LIN9: variants seen among roughly 807,000 people sequenced by gnomAD.
LIN9 encodes lin-9 DREAM MuvB core complex component, also known as protein lin-9 homolog.
Under a neutral mutation model 78.0 loss-of-function variants are expected in LIN9, and 18 were observed. That is an observed-to-expected ratio of 0.23 (90% CI 0.16 to 0.34). The LOEUF (loss-of-function observed/expected upper bound fraction) is 0.34. Ranked by LOEUF, LIN9 falls within the 10% of genes least tolerant of loss-of-function variation. The pLI is 1.00. For synonymous variants in LIN9, 192 were observed against 215.2 expected (o/e 0.89, Z 0.94); for missense variants, 451 against 644.1 (o/e 0.70, Z 3.25).
intron 10 of LIN9, among the ~76,000 whole-genome samples, chr1:226,254,329 C>CA (rs1335259270): frequency 1.3e-5 from 2 of 151,870 alleles, no homozygotes; most frequent in South Asian, 2.1e-4. Flanking sequence ...TTTGGAACAG[C>CA]AAAAAAATCA....
rs984905945 is a variant in LIN9 at position 226,238,104 on chromosome 1, A to C, written c.1245+867T>G. On this transcript the variant is annotated intron_variant, in intron 12 of 14. Transcript: ENST00000681046. ...GTAGGAAACTCAAATTTTGGATGAA[A>C]CTGTTGAACCACTCTCATATGATCA... 3.3e-5 allele frequency among the ~76,000 whole-genome samples: 5 copies of C among 152,160 alleles called. No homozygotes were observed. The East Asian group carries it at 9.6e-4, about 29-fold the overall frequency.
intron 10 of LIN9, among the ~76,000 whole-genome samples, chr1:226,254,707 C>G (rs940980151): frequency 1.3e-5 from 2 of 151,726 alleles, no homozygotes. Flanking sequence ...GTCAGGAGAT[C>G]GAGACCATCC....
intron 5 of LIN9, among the ~76,000 whole-genome samples, chr1:226,286,712 C>T (rs1313743032): frequency 6.6e-6 from 1 of 152,160 alleles, no homozygotes; most frequent in Non-Finnish European, 1.5e-5. Context: ...ACAGGTATAT[C>T]CTTTGGGAGG....
chr1:226,247,226 A>G lies in LIN9; in HGVS notation c.1119+3613T>C, dbSNP rs1224869657. 4.6e-5 allele frequency among the ~76,000 whole-genome samples: 7 copies of G among 151,888 alleles called. No homozygotes were observed. The East Asian group carries it at 1.3e-3, about 29-fold the overall frequency. On this transcript the variant is annotated intron_variant, in intron 11 of 14. Transcript: ENST00000681046. ...TTCCAGTTCTCTTCTAAAATTCTCA[A>G]TTTTGTCTCATCTCTTTTAACAAAT...
intron 7 of LIN9, among the ~76,000 whole-genome samples, chr1:226,269,842 C>T (rs1449934678): frequency 6.6e-6 from 1 of 152,208 alleles, no homozygotes; most frequent in East Asian, 1.9e-4. Context: ...CATTCCCCAA[C>T]TCACATATAA....
intron 10 of LIN9, among the ~76,000 whole-genome samples, chr1:226,253,293 A>T (rs1229736478): frequency 1.3e-5 from 2 of 150,818 alleles, no homozygotes; most frequent in African/African-American, 4.9e-5. Flanking sequence ...AGAAAGAAAG[A>T]AAGAAAAAAA....
At chr1:226,279,821 A>C (rs576900042) in intron 6 of LIN9, among the ~76,000 whole-genome samples, 115 of 151,752 alleles carry the variant, frequency 7.6e-4, no homozygotes, top group African/African-American at 2.6e-3. Context: ...TTCTTTTCAC[A>C]GTAAATTACC....
At chr1:226,296,385 T>C (rs1220381279) in intron 3 of LIN9, among the ~76,000 whole-genome samples, 1 of 152,186 alleles carries the variant, frequency 6.6e-6, no homozygotes, top group African/African-American at 2.4e-5. Flanking sequence ...TAAATGTGTA[T>C]ACTATTATAC....
chr1:226,251,416 T>C (rs1658829474), intron 10 of LIN9, among the ~76,000 whole-genome samples: 1 of 152,096 alleles, frequency 6.6e-6, no homozygotes, highest in South Asian at 2.1e-4. Context: ...TTAGTAGAGA[T>C]GGGGTTTTGC....
At chr1:226,267,924 T>C (rs199949001) in intron 8 of LIN9, 33 bp downstream of exon 8, 47 of 1,595,934 alleles carry the variant, frequency 2.9e-5, no homozygotes, top group Non-Finnish European at 4.0e-5. Flanking sequence ...TTAACAGGCA[T>C]AAAACACAAA....
At chr1:226,251,415 A>G (rs1200506115) in intron 10 of LIN9, among the ~76,000 whole-genome samples, 1 of 152,102 alleles carries the variant, frequency 6.6e-6, no homozygotes, top group African/African-American at 2.4e-5. Flanking sequence ...TTTAGTAGAG[A>G]TGGGGTTTTG....
At chr1:226,277,269 A>G (rs1042246826) in intron 7 of LIN9, among the ~76,000 whole-genome samples, 1 of 151,938 alleles carries the variant, frequency 6.6e-6, no homozygotes, top group African/African-American at 2.4e-5. Flanking sequence ...ACTTACTCCA[A>G]TAGATTATTA....
chr1:226,272,286 C>T (rs1660332432), intron 7 of LIN9, among the ~76,000 whole-genome samples: 1 of 151,836 alleles, frequency 6.6e-6, no homozygotes. Context: ...GAACTCCTGA[C>T]CTCAAGTGAT....
At chr1:226,305,470 A>G (rs1182203955) in intron 1 of LIN9, among the ~76,000 whole-genome samples, 4 of 152,112 alleles carry the variant, frequency 2.6e-5, no homozygotes, top group Non-Finnish European at 5.9e-5. Flanking sequence ...TCCAGTCTAC[A>G]CAACAGAGGG....
chr1:226,270,113 G>A (rs1488693755), intron 7 of LIN9, among the ~76,000 whole-genome samples: 2 of 151,878 alleles, frequency 1.3e-5, no homozygotes, highest in Non-Finnish European at 2.9e-5. Context: ...TTTTAGTAGA[G>A]ACAGGGTGTC....
At chr1:226,260,880 C>T (rs1374153815) in intron 10 of LIN9, among the ~76,000 whole-genome samples, 2 of 151,754 alleles carry the variant, frequency 1.3e-5, no homozygotes, top group Non-Finnish European at 2.9e-5. Context: ...CTCCTGACCT[C>T]GTGATCTGCC....
chr1:226,244,643 C>T (rs1360649614), intron 11 of LIN9, among the ~76,000 whole-genome samples: 1 of 152,102 alleles, frequency 6.6e-6, no homozygotes, highest in East Asian at 1.9e-4. Flanking sequence ...TTATAAGGGA[C>T]AAGATGGAAA....
chr1:226,289,657 C>G (rs1380541715), intron 4 of LIN9, among the ~76,000 whole-genome samples: 2 of 151,978 alleles, frequency 1.3e-5, no homozygotes, highest in Admixed American at 1.3e-4. Context: ...CTGCCATGCC[C>G]AGCCAAAATA....
At chr1:226,284,135 C>T (rs577762796) in intron 6 of LIN9, among the ~76,000 whole-genome samples, 158 of 152,226 alleles carry the variant, frequency 1.0e-3, no homozygotes, top group South Asian at 1.5e-3. Flanking sequence ...ACAGTAGTCT[C>T]GGTTTCCATT....
Sources: gnomAD v4.1 joint callset for allele counts (sites outside exome capture counted in the v4.1 genomes callset) on GRCh38, gnomAD v4.1.1 for gene constraint, MANE v1.5 for transcripts, NCBI Gene and HGNC (gene_info 2026-07-23, HGNC 2026-07-21) for gene names.